The following ANKRD7 variants were observed in gnomAD, a reference collection of about 807,000 sequenced individuals.
ANKRD7 encodes the protein ankyrin repeat domain-containing protein 7.
A neutral mutation model predicts 30.8 loss-of-function variants in ANKRD7; 30 were observed. That is an observed-to-expected ratio of 0.97 (90% CI 0.73 to 1.32). ANKRD7 has a LOEUF of 1.32. Ranked by LOEUF, ANKRD7 falls within the 40% of genes most tolerant of loss-of-function variation. The pLI, the probability that ANKRD7 is intolerant of heterozygous loss-of-function variation, is 0.00. For missense variants in ANKRD7, 264 were observed against 295.7 expected, an observed-to-expected ratio of 0.89 and a Z score of 0.79; for synonymous variants, 97 against 106.6, an observed-to-expected ratio of 0.91 and a Z score of 0.55.
Position 118,234,851 on chromosome 7 carries a change from G to A in ANKRD7, c.445G>A (p.Ala149Thr), listed in dbSNP as rs1368391333. ...AGTTGAAAAACTGCTTGAATACGAA[G>A]CTGATCTTGAAGCGAAAAATAAGGT... Reference protein sequence around the residue: ...SLVEKLLEYEADLEAKNKDGY... With the variant: ...SLVEKLLEYETDLEAKNKDGY... Residue 149 changes from alanine (A) to threonine (T), a missense_variant, in exon 3 of 7, where the codon GCT becomes ACT. Coordinates refer to ENST00000265224, the MANE Select transcript of ANKRD7 (RefSeq NM_019644.4). 1.9e-6 allele frequency: 3 copies of A among 1,603,668 alleles called. No homozygotes were observed. The highest frequency in any genetic ancestry group is 2.5e-6 in the Non-Finnish European group (3 of 1,177,370).
At chr7:118,227,123 TC>T (rs1809556363) in intron 1 of ANKRD7, among the ~76,000 whole-genome samples, 1 of 152,162 alleles carries the variant, frequency 6.6e-6, no homozygotes, top group Admixed American at 6.5e-5. Flanking sequence ...TTGGTTCCTT[TC>T]TTTCTTTTTT....
At chr7:118,235,180 A>C (rs952692147) in intron 3 of ANKRD7, among the ~76,000 whole-genome samples, 5 of 152,212 alleles carry the variant, frequency 3.3e-5, no homozygotes, top group Non-Finnish European at 7.3e-5. Flanking sequence ...ATTGATAAAA[A>C]TCATAAAACC....
intron 1 of ANKRD7, chr7:118,227,871 A>G (rs1327180179): frequency 3.7e-6 from 5 of 1,339,728 alleles, no homozygotes; most frequent in East Asian, 4.6e-5. Flanking sequence ...CAGTTAGGAA[A>G]AGGATTTGTA....
At chr7:118,227,894 A>G in intron 1 of ANKRD7, 2 of 1,330,594 alleles carry the variant, frequency 1.5e-6, no homozygotes, top group Middle Eastern at 2.5e-4. Flanking sequence ...TAGCTTATTG[A>G]TAGTATTATG....
intron 5 of ANKRD7, among the ~76,000 whole-genome samples, chr7:118,237,334 G>GT (rs1355589136): frequency 6.6e-6 from 1 of 151,958 alleles, no homozygotes; most frequent in African/African-American, 2.4e-5. Flanking sequence ...CCTTAGTTTG[G>GT]TAAGTGTTCA....
chr7:118,227,711 A>G (rs935909863), intron 1 of ANKRD7, among the ~76,000 whole-genome samples: 2 of 152,196 alleles, frequency 1.3e-5, no homozygotes, highest in African/African-American at 4.8e-5. Context: ...GCGAAAATTA[A>G]TACATATTAA....
intron 1 of ANKRD7, among the ~76,000 whole-genome samples, chr7:118,227,644 G>A (rs1451043255): frequency 6.6e-6 from 1 of 152,132 alleles, no homozygotes; most frequent in Non-Finnish European, 1.5e-5. Flanking sequence ...GATCACTTAT[G>A]AAAAATTTCC....
At chr7:118,231,140 A>G (rs1809631362) in intron 1 of ANKRD7, among the ~76,000 whole-genome samples, 2 of 152,070 alleles carry the variant, frequency 1.3e-5, no homozygotes, top group South Asian at 4.1e-4. Context: ...TCATCTTTCA[A>G]ACTAGAGCTA....
chr7:118,230,493 AG>A lies in ANKRD7; in HGVS notation c.180-3934del, dbSNP rs201706160. On this transcript the variant is annotated intron_variant, in intron 1 of 6. Transcript: ENST00000265224. Reference sequence around the variant, plus strand: ...TACCAGTGGTTTTAGATATGGGGGGAGGGGAAAGAATTGACTGCAAAGAATT... The same window carrying A: ...TACCAGTGGTTTTAGATATGGGGGGAGGGAAAGAATTGACTGCAAAGAATT... 3.4e-4 allele frequency among the ~76,000 whole-genome samples: 49 copies of A among 145,958 alleles called. No individual in the cohort carries two copies. The East Asian group carries it at 8.8e-3, about 26-fold the overall frequency.
chr7:118,236,213 T>C, intron 4 of ANKRD7, 66 bp downstream of exon 4: 1 of 638,194 alleles, frequency 1.6e-6, no homozygotes, highest in East Asian at 2.9e-5. Context: ...TGTGCGTATG[T>C]GTGTGTGTGT....
intron 5 of ANKRD7, among the ~76,000 whole-genome samples, chr7:118,238,885 C>T (rs932672338): frequency 2.6e-5 from 4 of 152,140 alleles, no homozygotes; most frequent in African/African-American, 9.7e-5. Flanking sequence ...ACGTGAAAGC[C>T]GTGGCCTAGT....
intron 1 of ANKRD7, among the ~76,000 whole-genome samples, chr7:118,232,724 G>T (rs1809663443): frequency 6.6e-6 from 1 of 151,158 alleles, no homozygotes; most frequent in African/African-American, 2.4e-5. Flanking sequence ...GTGTGTTTGT[G>T]TGTGTGTGTG....
At chr7:118,225,679 C>T (rs1007753147) in intron 1 of ANKRD7, among the ~76,000 whole-genome samples, 13 of 152,010 alleles carry the variant, frequency 8.6e-5, no homozygotes, top group Non-Finnish European at 1.3e-4. Flanking sequence ...AGAGTAGAGA[C>T]GACCCCCTGG....
intron 1 of ANKRD7, among the ~76,000 whole-genome samples, chr7:118,233,961 C>T (rs1280139527): frequency 6.6e-6 from 1 of 152,108 alleles, no homozygotes; most frequent in Non-Finnish European, 1.5e-5. Context: ...TAGGCATTCA[C>T]CTTTTACTTC....
intron 6 of ANKRD7, among the ~76,000 whole-genome samples, 189 bp from the exon 7 acceptor site, chr7:118,242,160 G>A (rs1179376677): frequency 1.3e-5 from 2 of 152,116 alleles, no homozygotes; most frequent in African/African-American, 2.4e-5. Context: ...TGCAAAAATG[G>A]TGAACATAAA....
intron 1 of ANKRD7, among the ~76,000 whole-genome samples, chr7:118,231,093 T>A (rs557818503): frequency 3.6e-4 from 55 of 152,174 alleles, no homozygotes; most frequent in African/African-American, 1.3e-3. Context: ...GTTTGAGGCC[T>A]TCTCTACATC....
chr7:118,225,615 T>C (rs189891974), intron 1 of ANKRD7, among the ~76,000 whole-genome samples: 257 of 152,240 alleles, frequency 1.7e-3, no homozygotes, highest in African/African-American at 5.8e-3. Context: ...TTCTTGGTAA[T>C]AGATCGTCCC....
At chr7:118,235,490 T>TA (rs1305758109) in intron 3 of ANKRD7, among the ~76,000 whole-genome samples, 2 of 151,426 alleles carry the variant, frequency 1.3e-5, no homozygotes, top group African/African-American at 4.9e-5. Context: ...TAGGCGCCTG[T>TA]AGTCCCAGCT....
chr7:118,231,586 A>AT (rs1408735922), intron 1 of ANKRD7, among the ~76,000 whole-genome samples: 2 of 152,102 alleles, frequency 1.3e-5, no homozygotes, highest in Non-Finnish European at 2.9e-5. Context: ...CATTCTCATC[A>AT]TGAGATTCAA....
Sources: allele counts gnomAD v4.1 joint callset (sites outside exome capture counted in the v4.1 genomes callset), GRCh38; gene constraint gnomAD v4.1.1; transcripts MANE v1.5; gene names NCBI Gene and HGNC (gene_info 2026-07-23, HGNC 2026-07-21).